DLC1: variants seen among roughly 807,000 people sequenced by gnomAD.
DLC1 encodes the protein DLC1 Rho GTPase activating protein.
In DLC1, 54 loss-of-function variants were observed where a neutral mutation model predicts 140.3. The ratio of observed to expected loss-of-function variants is 0.38; its 90% CI spans 0.31 to 0.48. The LOEUF (loss-of-function observed/expected upper bound fraction) is 0.48, where lower values mean the gene tolerates loss of function less well. Among genes scored for constraint, DLC1 ranks in the 20% least tolerant of loss-of-function variants. The probability of loss-of-function intolerance (pLI) is 0.96; values close to 1 mark genes in which losing one functional copy is unlikely to be tolerated. For synonymous variants in DLC1, 986 were observed against 728.1 expected (o/e 1.35, Z -5.70); for missense variants, 2,536 against 1,907.0 (o/e 1.33, Z -6.14).
intron 5 of DLC1, among the ~76,000 whole-genome samples, chr8:13,153,552 G>T (rs1342652357): frequency 1.3e-5 from 2 of 152,166 alleles, no homozygotes; most frequent in Non-Finnish European, 2.9e-5. Context: ...CCCTTATGTG[G>T]TCCCACCCAC....
chr8:13,205,303 C>A (rs1241780937), intron 5 of DLC1, among the ~76,000 whole-genome samples: 2 of 151,712 alleles, frequency 1.3e-5, no homozygotes, highest in Non-Finnish European at 2.9e-5. Flanking sequence ...TGACTAACTT[C>A]TATTTATATC....
intron 5 of DLC1, among the ~76,000 whole-genome samples, chr8:13,127,913 C>T (rs577488901): frequency 6.6e-6 from 1 of 152,316 alleles, no homozygotes; most frequent in South Asian, 2.1e-4. Context: ...CTTCACTGAC[C>T]TCAGCCTTCA....
At chr8:13,412,424 C>G (rs991498369) in intron 2 of DLC1, among the ~76,000 whole-genome samples, 1 of 151,990 alleles carries the variant, frequency 6.6e-6, no homozygotes, top group African/African-American at 2.4e-5. Context: ...ATTACTTGCA[C>G]GCATGCAAAG....
chr8:13,356,924 A>G (rs535530002), intron 4 of DLC1, among the ~76,000 whole-genome samples: 1 of 152,100 alleles, frequency 6.6e-6, no homozygotes, highest in East Asian at 1.9e-4. Context: ...AGGGTTGCAG[A>G]AAGTCTTGTA....
chr8:13,391,313 T>C (rs2117205460), intron 4 of DLC1, among the ~76,000 whole-genome samples: 1 of 152,308 alleles, frequency 6.6e-6, no homozygotes, highest in Non-Finnish European at 1.5e-5. Context: ...AGTTGTGGCA[T>C]GACTAGAAAG....
chr8:13,097,732 G>A (rs1246632879), intron 10 of DLC1, among the ~76,000 whole-genome samples: 1 of 151,976 alleles, frequency 6.6e-6, no homozygotes, highest in Non-Finnish European at 1.5e-5. Context: ...TCTTAATATT[G>A]GGAAGGAGGT....
rs772128555 is a variant in DLC1 at position 13,085,889 on chromosome 8, C to T, written c.4509G>A (p.Leu1503=). 1 of 1,614,152 alleles carries T rather than the reference C, an allele frequency of 6.2e-7. No homozygotes were observed. Among genetic ancestry groups the T allele is most frequent in the Non-Finnish European group, 8.5e-7 (1 of 1,180,032 alleles). The change falls in exon 18 of 18, where the codon TTG becomes TTA. Residue 1503 remains leucine (L), a synonymous_variant. Transcript: ENST00000276297. ...GGATCTTTACAACTTCAGCTGCACA[C>T]AAATGTCCAAAAGATTTTGTGTACC... The part of the protein sequence containing the change: ...PEWYTKSFGH[L]CAAEVVKIRD...
chr8:13,234,057 G>A (rs1047260488), intron 5 of DLC1, among the ~76,000 whole-genome samples: 4 of 152,060 alleles, frequency 2.6e-5, no homozygotes, highest in African/African-American at 9.7e-5. Context: ...ACTATCTAGT[G>A]TCTTGTTGAC....
intron 5 of DLC1, among the ~76,000 whole-genome samples, chr8:13,222,249 G>C (rs969388800): frequency 2.0e-5 from 3 of 151,924 alleles, no homozygotes; most frequent in Non-Finnish European, 4.4e-5. Context: ...TCATAAGTGA[G>C]AAAAGAGATA....
At chr8:13,279,568 T>C (rs1831294158) in intron 5 of DLC1, among the ~76,000 whole-genome samples, 2 of 152,314 alleles carry the variant, frequency 1.3e-5, no homozygotes, top group South Asian at 2.1e-4. Context: ...ACTTTAATTA[T>C]AGGTTTTACC....
chr8:13,275,731 G>A (rs1831136148), intron 5 of DLC1, among the ~76,000 whole-genome samples: 1 of 152,122 alleles, frequency 6.6e-6, no homozygotes, highest in Admixed American at 6.5e-5. Context: ...ACATGACACC[G>A]TCTTGGAACC....
chr8:13,516,634 G>C (rs1417379078), upstream of DLC1, among the ~76,000 whole-genome samples: 2 of 152,166 alleles, frequency 1.3e-5, no homozygotes, highest in Non-Finnish European at 2.9e-5. Flanking sequence ...AGCTTTAAAA[G>C]TTTAGATCAA....
intron 4 of DLC1, among the ~76,000 whole-genome samples, chr8:13,386,877 A>G (rs774126783): frequency 2.6e-5 from 4 of 152,022 alleles, no homozygotes; most frequent in Non-Finnish European, 4.4e-5. Context: ...CTAATAAACA[A>G]TGAGGATCTT....
intron 5 of DLC1, among the ~76,000 whole-genome samples, chr8:13,183,355 G>T (rs1357909601): frequency 1.3e-5 from 2 of 152,176 alleles, no homozygotes; most frequent in African/African-American, 4.8e-5. Flanking sequence ...ACACTAGGTT[G>T]AATAGGAGTG....
chr8:13,142,610 A>G (rs1823084679), intron 5 of DLC1, among the ~76,000 whole-genome samples: 2 of 152,252 alleles, frequency 1.3e-5, no homozygotes. Flanking sequence ...CTACATATTT[A>G]TGAGAAATAA....
At position 13,412,887 on chromosome 8, in the gene DLC1, G is replaced by A. The variant is rs904035239; in HGVS notation, c.1024-11268C>T. On this transcript the variant is annotated intron_variant, in intron 2 of 17. Coordinates refer to ENST00000276297, the MANE Select transcript of DLC1 (RefSeq NM_182643.3). ...GCGGAGCTTGCAGTAAGCTGAGATC[G>A]TGCCACTGCACTCCAGTCTGGGCGA... is the stretch of plus-strand genomic sequence containing the variant. Among the ~76,000 whole-genome samples, 648 of 142,544 alleles carry A rather than the reference G, an allele frequency of 4.5e-3. 3 individuals carry two copies. The highest frequency in any genetic ancestry group is 0.016 in the African/African-American group (617 of 38,974). 93.5% of individuals were successfully genotyped at this position (142,544 alleles called of 152,430 possible). A position where few individuals can be genotyped will look rare whatever the true frequency, so the allele number is the denominator to read the frequency against.
At chr8:13,177,260 C>T (rs771721156) in intron 5 of DLC1, among the ~76,000 whole-genome samples, 12 of 152,018 alleles carry the variant, frequency 7.9e-5, no homozygotes, top group Non-Finnish European at 1.8e-4. Flanking sequence ...TGTGAAACTT[C>T]ATAATGTATT....
At chr8:13,400,685 T>A (rs978706833) in intron 3 of DLC1, among the ~76,000 whole-genome samples, 7 of 152,158 alleles carry the variant, frequency 4.6e-5, no homozygotes, top group Admixed American at 2.0e-4. Context: ...CTCAGGTAAA[T>A]ACAAATTTCT....
intron 4 of DLC1, among the ~76,000 whole-genome samples, chr8:13,344,248 C>G (rs1834207543): frequency 1.3e-5 from 2 of 152,160 alleles, no homozygotes; most frequent in South Asian, 4.1e-4. Context: ...AATCCCAGCA[C>G]TTTGGGAGGC....
Sources: gnomAD v4.1 joint callset for allele counts (sites outside exome capture counted in the v4.1 genomes callset) on GRCh38, gnomAD v4.1.1 for gene constraint, MANE v1.5 for transcripts, NCBI Gene and HGNC (gene_info 2026-07-23, HGNC 2026-07-21) for gene names.